The following STAU2 variants were observed in gnomAD, a reference collection of about 807,000 sequenced individuals.
STAU2 encodes staufen double-stranded RNA binding protein 2, also known as double-stranded RNA-binding protein Staufen homolog 2.
Under a neutral mutation model 65.9 loss-of-function variants are expected in STAU2, and 20 were observed. That is an observed-to-expected ratio of 0.30 (90% confidence interval 0.21 to 0.44). STAU2 has a LOEUF of 0.44. Ranked by LOEUF, STAU2 falls within the 20% of genes least tolerant of loss-of-function variation. The pLI, the probability that STAU2 is intolerant of heterozygous loss-of-function variation, is 1.00. For missense variants in STAU2, 558 were observed against 683.9 expected (o/e 0.82, Z 2.05); for synonymous variants, 232 against 233.9 (o/e 0.99, Z 0.07).
At chr8:73,570,575 A>G (rs1017865796) in intron 12 of STAU2, among the ~76,000 whole-genome samples, 3 of 152,260 alleles carry the variant, frequency 2.0e-5, no homozygotes, top group African/African-American at 7.2e-5. Context: ...GCAGGCCAAC[A>G]TTCAAATTCA....
intron 1 of STAU2, among the ~76,000 whole-genome samples, chr8:73,741,749 G>A (rs922258760): frequency 6.6e-6 from 1 of 152,192 alleles, no homozygotes; most frequent in African/African-American, 2.4e-5. Flanking sequence ...CTGGCCTCGG[G>A]TGATCCATCT....
rs187118704 is a variant in STAU2 at position 73,420,459 on chromosome 8, C to T, written c.*913G>A. Reference sequence around the variant, plus strand: ...GGAGCGTGGCTGGCTGGAAGCAACTCCAACAGGTTTTTCCCTTCCCCGTCA... The same window carrying T: ...GGAGCGTGGCTGGCTGGAAGCAACTTCAACAGGTTTTTCCCTTCCCCGTCA... On this transcript the variant is annotated 3_prime_UTR_variant, in exon 15 of 15. Coordinates refer to ENST00000524300, the MANE Select transcript of STAU2 (RefSeq NM_001164380.2). 3.5e-6 allele frequency: 1 copy of T among 282,918 alleles called. No individual in the cohort carries two copies. The highest frequency in any genetic ancestry group is 8.0e-5 in the East Asian group (1 of 12,452). The allele number at this position is 282,918 out of a possible 1,614,324, so 17.5% of individuals were successfully genotyped here.
chr8:73,636,962 G>C (rs986097030), intron 6 of STAU2, among the ~76,000 whole-genome samples: 75 of 149,588 alleles, frequency 5.0e-4, no homozygotes, highest in African/African-American at 1.8e-3. Flanking sequence ...AATTTCAGCA[G>C]AGAACAGTAA....
At chr8:73,424,427 C>A (rs1055883452) in intron 13 of STAU2, among the ~76,000 whole-genome samples, 1 of 152,072 alleles carries the variant, frequency 6.6e-6, no homozygotes, top group Non-Finnish European at 1.5e-5. Context: ...TCTCGAACTC[C>A]TGACCTCGGG....
At chr8:73,454,488 G>A (rs533691262) in intron 13 of STAU2, among the ~76,000 whole-genome samples, 9 of 152,288 alleles carry the variant, frequency 5.9e-5, no homozygotes, top group Admixed American at 3.3e-4. Flanking sequence ...TGTGATCTGT[G>A]TATCTGTATG....
At chr8:73,511,250 T>C (rs921830196) in intron 13 of STAU2, 1 of 60,826 alleles carries the variant, frequency 1.6e-5, no homozygotes, top group African/African-American at 3.3e-5. Context: ...AGCACTTCTC[T>C]TTTGGTTTAG....
At chr8:73,627,208 C>G (rs995807204) in intron 6 of STAU2, among the ~76,000 whole-genome samples, 2 of 2,266 alleles carry the variant, frequency 8.8e-4, no homozygotes, top group South Asian at 0.026. Context: ...AGGAATACGG[C>G]GGGGGGGGGG....
chr8:73,714,306 CAA>C (rs1025447044), intron 3 of STAU2, among the ~76,000 whole-genome samples: 1 of 152,154 alleles, frequency 6.6e-6, no homozygotes, highest in Non-Finnish European at 1.5e-5. Flanking sequence ...AGAAAAAAGT[CAA>C]AAGAGCAAAG....
At chr8:73,713,781 T>A (rs916366409) in intron 3 of STAU2, among the ~76,000 whole-genome samples, 6 of 152,222 alleles carry the variant, frequency 3.9e-5, no homozygotes, top group African/African-American at 1.4e-4. Context: ...TAGCATTTTT[T>A]AAAGTAGCTA....
intron 13 of STAU2, among the ~76,000 whole-genome samples, chr8:73,529,844 C>G (rs1212592670): frequency 1.3e-5 from 2 of 152,160 alleles, no homozygotes; most frequent in Non-Finnish European, 2.9e-5. Flanking sequence ...AGTTGTCCTC[C>G]AAGATTCTTC....
At chr8:73,555,987 T>C (rs949039798) in intron 12 of STAU2, among the ~76,000 whole-genome samples, 1 of 152,238 alleles carries the variant, frequency 6.6e-6, no homozygotes, top group African/African-American at 2.4e-5. Context: ...AAAGTTAAGA[T>C]AAATCTCATC....
chr8:73,696,757 G>A (rs946690005), intron 4 of STAU2, among the ~76,000 whole-genome samples: 1 of 152,104 alleles, frequency 6.6e-6, no homozygotes, highest in African/African-American at 2.4e-5. Context: ...CCTCAAAGGG[G>A]CAAATGTAAG....
At chr8:73,436,553 A>G (rs1817697778) in intron 13 of STAU2, among the ~76,000 whole-genome samples, 1 of 145,594 alleles carries the variant, frequency 6.9e-6, no homozygotes, top group Non-Finnish European at 1.5e-5. Flanking sequence ...ATGAATTATC[A>G]GTATTTTGCC....
At chr8:73,540,674 C>T (rs1011016604) in intron 13 of STAU2, among the ~76,000 whole-genome samples, 1 of 152,034 alleles carries the variant, frequency 6.6e-6, no homozygotes. Flanking sequence ...ATTCACTGGA[C>T]AAAGTCTTTT....
At chr8:73,682,484 G>A (rs1448247536) in intron 5 of STAU2, among the ~76,000 whole-genome samples, 1 of 151,920 alleles carries the variant, frequency 6.6e-6, no homozygotes, top group East Asian at 1.9e-4. Context: ...GGTGCTAAGA[G>A]CAAAGTTTAC....
intron 11 of STAU2, among the ~76,000 whole-genome samples, chr8:73,586,790 T>C (rs1455009168): frequency 6.6e-6 from 1 of 151,834 alleles, no homozygotes; most frequent in Admixed American, 6.6e-5. Flanking sequence ...TGTGAAAATG[T>C]CAGAGAGGGA....
intron 13 of STAU2, among the ~76,000 whole-genome samples, chr8:73,477,321 C>T (rs1820374399): frequency 6.6e-6 from 1 of 152,122 alleles, no homozygotes; most frequent in African/African-American, 2.4e-5. Flanking sequence ...TATTAGTTAG[C>T]TCTGAAATAA....
intron 6 of STAU2, among the ~76,000 whole-genome samples, chr8:73,625,360 G>A (rs1813559222): frequency 6.6e-6 from 1 of 152,192 alleles, no homozygotes; most frequent in Admixed American, 6.5e-5. Flanking sequence ...CCACAATGGA[G>A]TGTTTTACAG....
rs539709436 is a variant in STAU2 at position 73,607,842 on chromosome 8, C to T, written c.892-3979G>A. ...GAAATAAAAGTCTGCGTATATCATA[C>T]GGTCAAAACTTTATTTCCACCTATG... is the stretch of plus-strand genomic sequence containing the variant. On this transcript the variant is annotated intron_variant, in intron 9 of 14. Transcript: ENST00000524300. Among the ~76,000 whole-genome samples the T allele has an allele frequency of 3.6e-4, 55 of 151,972 alleles. 1 individual carries two copies. The South Asian group carries it at 9.2e-3, about 25-fold the overall frequency.
Sources: gnomAD v4.1 joint callset for allele counts (sites outside exome capture counted in the v4.1 genomes callset) on GRCh38, gnomAD v4.1.1 for gene constraint, MANE v1.5 for transcripts, NCBI Gene and HGNC (gene_info 2026-07-23, HGNC 2026-07-21) for gene names.